HDAC7: variants seen among roughly 807,000 people sequenced by gnomAD.
HDAC7 encodes the protein histone deacetylase 7.
In HDAC7, 26 loss-of-function variants were observed where a neutral mutation model predicts 115.5. The ratio of observed to expected loss-of-function variants is 0.23; its 90% CI spans 0.16 to 0.31. The LOEUF is 0.31. Ranked by LOEUF, HDAC7 falls within the 10% of genes least tolerant of loss-of-function variation. The probability of loss-of-function intolerance (pLI) is 1.00; values close to 1 mark genes in which losing one functional copy is unlikely to be tolerated. For synonymous variants in HDAC7, 564 were observed against 550.9 expected (o/e 1.02, Z -0.33); for missense variants, 1,068 against 1,329.0 (o/e 0.80, Z 3.05).
intron 1 of HDAC7, among the ~76,000 whole-genome samples, chr12:47,804,093 C>T (rs1412763632): frequency 1.3e-5 from 2 of 152,188 alleles, no homozygotes; most frequent in Admixed American, 6.5e-5. Flanking sequence ...ACCATGCACT[C>T]TCTGGATAGG....
chr12:47,804,329 C>T (rs1944298715), intron 1 of HDAC7, among the ~76,000 whole-genome samples: 1 of 152,028 alleles, frequency 6.6e-6, no homozygotes, highest in Admixed American at 6.6e-5. Context: ...GAGCGCAGAG[C>T]GACAGAGATT....
rs757843195 is a variant in HDAC7, at chr12:47,792,003, C to T, written c.1680G>A (p.Gly560=). ...TPARTLPFTT[G]LIYDSVMLKH... ...TCAGCATGACCGAGTCATAGATCAG[C>T]CCTGCAGGAGCAAGGGTCAGAGCGG... The change falls in exon 14 of 26, where the codon GGG becomes GGA. Residue 560 remains glycine (G), a splice_region_variant and synonymous_variant. Transcript: ENST00000080059. 7 of 1,604,462 alleles carry T rather than the reference C, an allele frequency of 4.4e-6. No individual in the cohort carries two copies. In the East Asian group the frequency reaches 1.3e-4, roughly 31 times the overall value.
At chr12:47,796,178 A>C (rs1301201365) in intron 8 of HDAC7, 29 bp downstream of exon 8, 1 of 1,586,236 alleles carries the variant, frequency 6.3e-7, no homozygotes, top group Non-Finnish European at 8.6e-7. Flanking sequence ...GAACTGCCCC[A>C]GGAGAGCCCA....
chr12:47,794,703 C>G (rs1943709620), intron 12 of HDAC7, 57 bp downstream of exon 12: 1 of 1,468,908 alleles, frequency 6.8e-7, no homozygotes, highest in Non-Finnish European at 9.0e-7. Flanking sequence ...CCATCTTATG[C>G]CAGGCCCCAG....
Position 47,791,701 on chromosome 12 carries a change from G to T in HDAC7, c.1818C>A (p.Leu606=). ...ERGLRSQCEC[L]RGRKASLEEL... ...CTTCCAGGGAGGCCTTCCGGCCTCGGAGACACTGAAAAGGGGACCACAGAG... is the reference window on the plus strand; with the variant it reads ...CTTCCAGGGAGGCCTTCCGGCCTCGTAGACACTGAAAAGGGGACCACAGAG... The change falls in exon 15 of 26, where the codon CTC becomes CTA. Residue 606 remains leucine, a synonymous_variant. Coordinates refer to ENST00000080059, the MANE Select transcript of HDAC7 (RefSeq NM_015401.5). 1.2e-6 allele frequency: 2 copies of T among 1,613,678 alleles called. No individual in the cohort carries two copies. Among genetic ancestry groups the T allele is most frequent in the Non-Finnish European group, 1.7e-6 (2 of 1,179,944 alleles).
rs772639299 is a variant in HDAC7 at position 47,803,693 on chromosome 12, A to T, written c.20-1419T>A. On this transcript the variant is annotated intron_variant, in intron 1 of 25. Transcript: ENST00000080059. This position sits in a 1 kb window ranked among gnomAD's most constrained non-coding sequence, Gnocchi z 4.0. ...TGGAAGCCATGCCCATCTGCACCAAACACCTCGCAGGGCACGTGGCAGGCT... is the reference window on the plus strand; with the variant it reads ...TGGAAGCCATGCCCATCTGCACCAATCACCTCGCAGGGCACGTGGCAGGCT... 6.6e-6 allele frequency among the ~76,000 whole-genome samples: 1 copy of T among 151,912 alleles called. No homozygotes were observed. The highest frequency in any genetic ancestry group is 1.5e-5 in the Non-Finnish European group (1 of 67,968).
chr12:47,820,328 G>C (rs950497837), upstream of HDAC7, among the ~76,000 whole-genome samples: 1 of 152,190 alleles, frequency 6.6e-6, no homozygotes, highest in Non-Finnish European at 1.5e-5. The surrounding 1 kb of genome is among the most constrained non-coding windows in gnomAD (Gnocchi z 4.3). Context: ...GGGGCTTCGG[G>C]GTGGACCCCC....
chr12:47,794,679 T>C (rs1943708790), intron 12 of HDAC7, 81 bp downstream of exon 12: 3 of 1,386,268 alleles, frequency 2.2e-6, no homozygotes, highest in Middle Eastern at 2.0e-4. Flanking sequence ...TGATGTCGTA[T>C]CTCCCTCCCT....
chr12:47,814,230 C>T (rs1944784969), intron 1 of HDAC7, among the ~76,000 whole-genome samples: 1 of 152,210 alleles, frequency 6.6e-6, no homozygotes, highest in South Asian at 2.1e-4. Flanking sequence ...CTGTCCCAGC[C>T]TCCATCCTCC....
At position 47,795,399 on chromosome 12, in the gene HDAC7, T is replaced by C. The variant is rs886625490; in HGVS notation, c.1088-19A>G. ...CCGGGCACTGGAAAGAATCGGGGGG[T>C]GGAATAAGGAGGGAACCACAGGGAG... On this transcript the variant is annotated intron_variant, in intron 10 of 25. Coordinates refer to ENST00000080059, the MANE Select transcript of HDAC7 (RefSeq NM_015401.5). The surrounding 1 kb of genome is among the most constrained non-coding windows in gnomAD (Gnocchi z 4.3). 1.3e-6 allele frequency: 2 copies of C among 1,483,370 alleles called. No homozygotes were observed. Among genetic ancestry groups the C allele is most frequent in the Non-Finnish European group, 1.8e-6 (2 of 1,118,656 alleles). The allele number at this position is 1,483,370 out of a possible 1,614,324, so 91.9% of individuals were successfully genotyped here.
At chr12:47,791,545 A>G in intron 15 of HDAC7, 41 bp downstream of exon 15, 1 of 1,576,566 alleles carries the variant, frequency 6.3e-7, no homozygotes, top group South Asian at 1.2e-5. Context: ...GAGCTGGGTG[A>G]GGTAAGCTGG....
At position 47,793,529 on chromosome 12, in the gene HDAC7, G is replaced by A. The variant is rs756115085; in HGVS notation, c.1518C>T (p.Asp506=). The A allele has an allele frequency of 1.6e-5, 24 of 1,548,238 alleles. No homozygotes were observed. The South Asian group carries it at 2.0e-4, about 13-fold the overall frequency. The change falls in exon 13 of 26, where the codon GAC becomes GAT. Residue 506 remains aspartate, a synonymous_variant. Transcript: ENST00000080059. The surrounding 1 kb of genome is among the most constrained non-coding windows in gnomAD (Gnocchi z 4.5). ...CCTGGGCCAGAGGAAGCAGCACAGT[G>A]TCCCCGGTGCTGCCCCGGGGGAGCC... ...AGRLPRGSTG[D]TVLLPLAQGG... is the part of the protein sequence containing the mutation.
rs139985950 is a variant in HDAC7 at position 47,794,203 on chromosome 12, G to A, written c.1458+557C>T. On this transcript the variant is annotated intron_variant, in intron 12 of 25. Coordinates refer to ENST00000080059, the MANE Select transcript of HDAC7 (RefSeq NM_015401.5). ...CATCCACAAGCCAAGGAGAGAGACC[G>A]GGAACAGCCCCTGCCCTCACACTCA... Among the ~76,000 whole-genome samples, 15 of 152,310 alleles carry A rather than the reference G, an allele frequency of 9.8e-5. No individual in the cohort carries two copies. In the East Asian group the frequency reaches 2.3e-3, roughly 23 times the overall value.
rs1943349319 is a variant in HDAC7 at position 47,789,291 on chromosome 12, G to C, written c.2205C>G (p.Ser735Arg). Reference protein sequence around the residue: ...AIACRQLQQQSKASKILIVDW... With the variant: ...AIACRQLQQQRKASKILIVDW... ...CTACAATGAGGATCTTGCTGGCCTT[G>C]CTCTGCTGTTGCAGCTGCCGGCAGG... The change falls in exon 19 of 26, where the codon AGC becomes AGG. Residue 735 changes from serine to arginine, a missense_variant. Ser to Arg is a moderately radical substitution (Grantham distance 110). Transcript: ENST00000080059. 2.5e-6 allele frequency: 4 copies of C among 1,614,034 alleles called. No individual in the cohort carries two copies. The highest frequency in any genetic ancestry group is 3.4e-6 in the Non-Finnish European group (4 of 1,179,964).
chr12:47,820,012 G>A (rs1439994080), upstream of HDAC7: 1 of 152,610 alleles, frequency 6.6e-6, no homozygotes, highest in Non-Finnish European at 1.5e-5. The surrounding 1 kb of genome is among the most constrained non-coding windows in gnomAD (Gnocchi z 4.3). Flanking sequence ...GGGAGGGGAG[G>A]GAGGGGGCAG....
In HDAC7 at chr12:47,802,230, C is replaced by T; in HGVS notation, c.64G>A (p.Gly22Ser). Reference sequence around the variant, plus strand: ...CCCCGGGTTTGACTCTTACCTGCGCCAGTGGGGCTGCAGTAGTGGGCACCC... The same window carrying T: ...CCCCGGGTTTGACTCTTACCTGCGCTAGTGGGGCTGCAGTAGTGGGCACCC... ...SPGAHYCSPT[G>S]AGCPRPCADT... The change falls in exon 2 of 26, where the codon GGC becomes AGC. Residue 22 changes from glycine (G) to serine (S), a missense_variant. Gly to Ser is a moderately conservative substitution (Grantham distance 56). Coordinates refer to ENST00000080059, the MANE Select transcript of HDAC7 (RefSeq NM_015401.5). 1 of 1,613,844 alleles carries T rather than the reference C, an allele frequency of 6.2e-7. No homozygotes were observed. Among genetic ancestry groups the T allele is most frequent in the Non-Finnish European group, 8.5e-7 (1 of 1,179,944 alleles).
rs763031764 is a variant in HDAC7, at chr12:47,797,360, G to T, written c.577+24C>A. The T allele has an allele frequency of 3.2e-5, 51 of 1,572,430 alleles. No individual in the cohort carries two copies. The African/African-American group carries it at 5.8e-4, about 18-fold the overall frequency. On this transcript the variant is annotated intron_variant, in intron 6 of 25. Coordinates refer to ENST00000080059, the MANE Select transcript of HDAC7 (RefSeq NM_015401.5). This position sits in a 1 kb window ranked among gnomAD's most constrained non-coding sequence, Gnocchi z 5.5. ...CCCTTCCCCCTTCCTTTGCCTGAAAGGTCCGCCTGTTTGTTCAGCTCACCT... is the reference window on the plus strand; with the variant it reads ...CCCTTCCCCCTTCCTTTGCCTGAAATGTCCGCCTGTTTGTTCAGCTCACCT...
At chr12:47,816,523 T>TG (rs1257122150) in intron 1 of HDAC7, among the ~76,000 whole-genome samples, 1 of 152,088 alleles carries the variant, frequency 6.6e-6, no homozygotes, top group African/African-American at 2.4e-5. Flanking sequence ...ACACAGGGTC[T>TG]GGGGGGAGGG....
chr12:47,794,997 T>C (rs1002649687), intron 11 of HDAC7, 64 bp from the exon 12 acceptor site: 265 of 1,501,936 alleles, frequency 1.8e-4, no homozygotes, highest in Non-Finnish European at 2.2e-4. Context: ...TGGGAGGTGG[T>C]GGGCTGGGCC....
Sources: allele counts gnomAD v4.1 joint callset (sites outside exome capture counted in the v4.1 genomes callset), GRCh38; gene constraint gnomAD v4.1.1; non-coding constraint Gnocchi (gnomAD v3.1); transcripts MANE v1.5; gene names NCBI Gene and HGNC (gene_info 2026-07-23, HGNC 2026-07-21).